The following ATP5F1D variants were observed in gnomAD, a reference collection of about 807,000 sequenced individuals.
ATP5F1D encodes the protein ATP synthase F(1) complex subunit delta, mitochondrial.
Under a neutral mutation model 13.0 loss-of-function variants are expected in ATP5F1D, and 16 were observed. The ratio of observed to expected loss-of-function variants is 1.23; its 90% CI spans 0.83 to 1.87. The LOEUF (loss-of-function observed/expected upper bound fraction) is 1.87. Ranked by LOEUF, ATP5F1D falls within the 40% of genes most tolerant of loss-of-function variation. The pLI is 0.00. For missense variants in ATP5F1D, 294 were observed against 246.2 expected, an observed-to-expected ratio of 1.19 and a Z score of -1.30; for synonymous variants, 129 against 116.2, an observed-to-expected ratio of 1.11 and a Z score of -0.71.
rs975755976 is a variant in ATP5F1D at position 1,244,799 on chromosome 19, C to A, written c.*362C>A. The A allele has an allele frequency of 5.2e-5, 14 of 268,598 alleles. No homozygotes were observed. Among genetic ancestry groups the A allele is most frequent in the Non-Finnish European group, 6.5e-5 (9 of 138,218 alleles). 16.6% of individuals were successfully genotyped at this position (268,598 alleles called of 1,614,324 possible). A position where few individuals can be genotyped will look rare whatever the true frequency, so the allele number is the denominator to read the frequency against. ...CTCTGGATGAACTGCCCCCAGCCCCCGCCCCATTAAAGACCCGGAAGCCTG... is the reference window on the plus strand; with the variant it reads ...CTCTGGATGAACTGCCCCCAGCCCCAGCCCCATTAAAGACCCGGAAGCCTG... On this transcript the variant is annotated 3_prime_UTR_variant, in exon 4 of 4. Transcript: ENST00000215375.
Position 1,244,165 on chromosome 19 carries a change from C to T in ATP5F1D, c.364C>T (p.Leu122=), listed in dbSNP as rs1246477155. The change falls in exon 3 of 4, where the codon CTG becomes TTG. Residue 122 remains leucine, a synonymous_variant. Coordinates refer to ENST00000215375, the MANE Select transcript of ATP5F1D (RefSeq NM_001687.5). ...GTTGTTGGCCGAAGAGGCCGTGACG[C>T]TGGACATGTTGGACCTGGGGGTGAG... ...VQLLAEEAVT[L]DMLDLGAAKA... is the part of the protein sequence containing the mutation. The T allele has an allele frequency of 1.9e-6, 3 of 1,612,080 alleles. No individual in the cohort carries two copies. The highest frequency in any genetic ancestry group is 4.5e-5 in the East Asian group (2 of 44,840).
At chr19:1,242,670 C>G in intron 2 of ATP5F1D, 61 bp downstream of exon 2, 1 of 1,412,304 alleles carries the variant, frequency 7.1e-7, no homozygotes, top group Non-Finnish European at 9.3e-7. Flanking sequence ...CCAGGTCAGT[C>G]TCCGTCTCAG....
Position 1,242,588 on chromosome 19 carries a change from G to A in ATP5F1D, c.274G>A (p.Gly92Ser). 1 of 1,534,268 alleles carries A rather than the reference G, an allele frequency of 6.5e-7. No homozygotes were observed. Among genetic ancestry groups the A allele is most frequent in the South Asian group, 1.2e-5 (1 of 82,664 alleles). Residue 92 changes from glycine (G) to serine (S), a missense_variant, in exon 2 of 4, where the codon GGC becomes AGC. Coordinates refer to ENST00000215375, the MANE Select transcript of ATP5F1D (RefSeq NM_001687.5). ...PGLVVVHAED[G>S]TTSKYFVSSG... ...GCTGGTCGTGGTGCATGCAGAGGAC[G>A]GCACCACCTCCAAATACTTTGGTGA... is the stretch of plus-strand genomic sequence containing the variant.
chr19:1,244,302 C>A lies in ATP5F1D; in HGVS notation c.385-13C>A. On this transcript the variant is annotated splice_polypyrimidine_tract_variant and intron_variant, in intron 3 of 3. Transcript: ENST00000215375. ...TCGCTGCTGGCCCCTCACCGCCCCT[C>A]AACCCCTTGCAGGCAGCCAAGGCAA... The A allele has an allele frequency of 6.3e-7, 1 of 1,590,420 alleles. No homozygotes were observed. Among genetic ancestry groups the A allele is most frequent in the Non-Finnish European group, 8.6e-7 (1 of 1,168,884 alleles).
In ATP5F1D at chr19:1,241,969, T is replaced by C; in HGVS notation, c.119T>C (p.Phe40Ser). The change falls in exon 1 of 4, where the codon TTC (phenylalanine) becomes TCC (serine). Residue 40 changes from phenylalanine (F) to serine (S), a missense_variant. Transcript: ENST00000215375. ...GCCTCTGGCCCCAACCAGATGTCCTTCACCTTCGCCTCTCCCACGCAGGTT... is the reference window on the plus strand; with the variant it reads ...GCCTCTGGCCCCAACCAGATGTCCTCCACCTTCGCCTCTCCCACGCAGGTT... Reference protein sequence around the residue: ...AAASGPNQMSFTFASPTQVFF... With the variant: ...AAASGPNQMSSTFASPTQVFF... 6.8e-7 allele frequency: 1 copy of C among 1,479,576 alleles called. No homozygotes were observed. Among genetic ancestry groups the C allele is most frequent in the Non-Finnish European group, 9.0e-7 (1 of 1,115,342 alleles). The allele number at this position is 1,479,576 out of a possible 1,614,324, so 91.7% of individuals were successfully genotyped here.
chr19:1,242,342 C>T, intron 1 of ATP5F1D, 114 bp from the exon 2 acceptor site: 2 of 1,262,912 alleles, frequency 1.6e-6, no homozygotes, highest in Non-Finnish European at 2.1e-6. Context: ...TGTCTCAGTG[C>T]CTCACATCAG....
At chr19:1,243,937 C>A in intron 2 of ATP5F1D, 160 bp from the exon 3 acceptor site, 1 of 712,298 alleles carries the variant, frequency 1.4e-6, no homozygotes, top group Non-Finnish European at 2.3e-6. Flanking sequence ...CCATGTTGGG[C>A]CCAGGGCCAG....
chr19:1,244,712 G>C lies in ATP5F1D; in HGVS notation c.*275G>C, dbSNP rs1035009408. 6 of 466,362 alleles carry C rather than the reference G, an allele frequency of 1.3e-5. No homozygotes were observed. The highest frequency in any genetic ancestry group is 4.1e-5 in the East Asian group (1 of 24,428). The allele number at this position is 466,362 out of a possible 1,614,324, so 28.9% of individuals were successfully genotyped here. A position where few individuals can be genotyped will look rare whatever the true frequency, so the allele number is the denominator to read the frequency against. On this transcript the variant is annotated 3_prime_UTR_variant, in exon 4 of 4. Coordinates refer to ENST00000215375, the MANE Select transcript of ATP5F1D (RefSeq NM_001687.5). The stretch of plus-strand genomic sequence containing the variant: ...CAAGATCCCCCCAGCCTGACGGGCC[G>C]CTTACCATCCCCTCTGCCCTGCAGA...
chr19:1,244,473 G>T lies in ATP5F1D; in HGVS notation c.*36G>T. The stretch of plus-strand genomic sequence containing the variant: ...CCCGGTGTCCCGAGGCCCGGCCAGG[G>T]GCTGGGCAGGGATGCCAGGTGGGCC... On this transcript the variant is annotated 3_prime_UTR_variant, in exon 4 of 4. Transcript: ENST00000215375. 1.3e-6 allele frequency: 2 copies of T among 1,539,936 alleles called. No homozygotes were observed. Among genetic ancestry groups the T allele is most frequent in the Non-Finnish European group, 1.8e-6 (2 of 1,140,420 alleles).
Position 1,242,625 on chromosome 19 carries a change from G to A in ATP5F1D, c.295+16G>A, listed in dbSNP as rs2081043450. ...AAATACTTTGGTGAGTCCGGTGGAG[G>A]GCTGCAGGGCCAGGCCAGGCTGGGG... is the stretch of plus-strand genomic sequence containing the variant. On this transcript the variant is annotated intron_variant, in intron 2 of 3. Transcript: ENST00000215375. The A allele has an allele frequency of 1.3e-6, 2 of 1,493,444 alleles. 1 individual carries two copies. The highest frequency in any genetic ancestry group is 2.6e-5 in the South Asian group (2 of 78,284). 92.5% of individuals were successfully genotyped at this position (1,493,444 alleles called of 1,614,324 possible).
intron 2 of ATP5F1D, 46 bp downstream of exon 2, chr19:1,242,655 A>G: frequency 1.4e-6 from 2 of 1,449,622 alleles, no homozygotes; most frequent in Non-Finnish European, 1.8e-6. Context: ...CTGGGGCTCC[A>G]CATCCCAGGT....
intron 2 of ATP5F1D, among the ~76,000 whole-genome samples, chr19:1,243,782 C>G (rs1009713687): frequency 6.6e-6 from 1 of 152,232 alleles, no homozygotes; most frequent in Non-Finnish European, 1.5e-5. Context: ...TTGAACTCAG[C>G]TTGCCTTTGG....
intron 2 of ATP5F1D, chr19:1,242,820 G>A (rs1170885453): frequency 1.3e-5 from 6 of 476,858 alleles, no homozygotes; most frequent in Middle Eastern, 5.8e-4. Flanking sequence ...ATGTAACCCC[G>A]TCTCTTCTAA....
rs1475386086 is a variant in ATP5F1D at position 1,244,536 on chromosome 19, G to A, written c.*99G>A. Reference sequence around the variant, plus strand: ...GGGGTCCCGGCCACCTGGGGAAGCCGCGCCTGCCAAGGAGGCCACCAGAGG... The same window carrying A: ...GGGGTCCCGGCCACCTGGGGAAGCCACGCCTGCCAAGGAGGCCACCAGAGG... On this transcript the variant is annotated 3_prime_UTR_variant, in exon 4 of 4. Transcript: ENST00000215375. 10 of 1,482,028 alleles carry A rather than the reference G, an allele frequency of 6.7e-6. No individual in the cohort carries two copies. Among genetic ancestry groups the A allele is most frequent in the South Asian group, 2.7e-5 (2 of 74,408 alleles). 91.8% of individuals were successfully genotyped at this position (1,482,028 alleles called of 1,614,324 possible). A position where few individuals can be genotyped will look rare whatever the true frequency, so the allele number is the denominator to read the frequency against.
chr19:1,244,149 C>G lies in ATP5F1D; in HGVS notation c.348C>G (p.Ala116=), dbSNP rs200973446. The G allele has an allele frequency of 1.2e-6, 2 of 1,612,332 alleles. No individual in the cohort carries two copies. Among genetic ancestry groups the G allele is most frequent in the South Asian group, 1.1e-5 (1 of 90,826 alleles). Residue 116 remains alanine (A), a synonymous_variant, in exon 3 of 4, where the codon GCC becomes GCG. Coordinates refer to ENST00000215375, the MANE Select transcript of ATP5F1D (RefSeq NM_001687.5). The stretch of plus-strand genomic sequence containing the variant: ...CCGACTCTTCGGTGCAGTTGTTGGC[C>G]GAAGAGGCCGTGACGCTGGACATGT... ...VNADSSVQLL[A]EEAVTLDMLD...
At position 1,242,727 on chromosome 19, in the gene ATP5F1D, AG is replaced by A. The variant is rs1448516414; in HGVS notation, c.295+119del. Reference sequence around the variant, plus strand: ...GTTTTAGGCCGGGCACGGTGGCTCAAGCCTGTAATCCCAGCACTTTGGGAGG... The same window carrying A: ...GTTTTAGGCCGGGCACGGTGGCTCAACCTGTAATCCCAGCACTTTGGGAGG... On this transcript the variant is annotated intron_variant, in intron 2 of 3. Transcript: ENST00000215375. 5.4e-6 allele frequency: 7 copies of A among 1,292,620 alleles called. No individual in the cohort carries two copies. In the African/African-American group the frequency reaches 1.1e-4, roughly 20 times the overall value. 80.1% of individuals were successfully genotyped at this position (1,292,620 alleles called of 1,614,324 possible). A position where few individuals can be genotyped will look rare whatever the true frequency, so the allele number is the denominator to read the frequency against.
rs1334329654 is a variant in ATP5F1D, at chr19:1,244,262, G to A, written c.385-53G>A. 9.5e-6 allele frequency: 15 copies of A among 1,580,382 alleles called. No homozygotes were observed. The East Asian group carries it at 3.2e-4, about 34-fold the overall frequency. On this transcript the variant is annotated intron_variant, in intron 3 of 3. Transcript: ENST00000215375. Reference sequence around the variant, plus strand: ...CGGGGGAGGGAGCGCTGGGGGACCAGGAGCCGGGCTGGGGTCGCTGCTGGC... The same window carrying A: ...CGGGGGAGGGAGCGCTGGGGGACCAAGAGCCGGGCTGGGGTCGCTGCTGGC...
At chr19:1,243,745 C>G (rs1236350713) in intron 2 of ATP5F1D, among the ~76,000 whole-genome samples, 1 of 152,248 alleles carries the variant, frequency 6.6e-6, no homozygotes, top group East Asian at 1.9e-4. Context: ...AGTTCTAAGC[C>G]TCACTGGTTT....
chr19:1,241,967 C>T lies in ATP5F1D; in HGVS notation c.117C>T (p.Ser39=). 9 of 1,481,770 alleles carry T rather than the reference C, an allele frequency of 6.1e-6. No individual in the cohort carries two copies. Among genetic ancestry groups the T allele is most frequent in the South Asian group, 1.3e-5 (1 of 75,910 alleles). The allele number at this position is 1,481,770 out of a possible 1,614,324, so 91.8% of individuals were successfully genotyped here. A position where few individuals can be genotyped will look rare whatever the true frequency, so the allele number is the denominator to read the frequency against. ...PAAASGPNQM[S]FTFASPTQVF... ...CCGCCTCTGGCCCCAACCAGATGTC[C>T]TTCACCTTCGCCTCTCCCACGCAGG... The change falls in exon 1 of 4, where the codon TCC becomes TCT. Residue 39 remains serine, a synonymous_variant. Coordinates refer to ENST00000215375, the MANE Select transcript of ATP5F1D (RefSeq NM_001687.5).
Sources: allele counts gnomAD v4.1 joint callset (sites outside exome capture counted in the v4.1 genomes callset), GRCh38; gene constraint gnomAD v4.1.1; transcripts MANE v1.5; gene names NCBI Gene and HGNC (gene_info 2026-07-23, HGNC 2026-07-21).